Variants in ASAP1 observed in about 807,000 individuals in gnomAD.
The protein encoded by ASAP1 is ArfGAP with SH3 domain, ankyrin repeat and PH domain 1.
A neutral mutation model predicts 145.2 loss-of-function variants in ASAP1; 43 were observed. The observed-to-expected ratio is 0.30, with a 90% CI of 0.23 to 0.38. The LOEUF (loss-of-function observed/expected upper bound fraction) is 0.38, where lower values mean the gene tolerates loss of function less well. Among genes scored for constraint, ASAP1 ranks in the 10% least tolerant of loss-of-function variants. The pLI, the probability that ASAP1 is intolerant of heterozygous loss-of-function variation, is 1.00. For missense variants in ASAP1, 1,018 were observed against 1,355.3 expected (o/e 0.75, Z 3.91); for synonymous variants, 546 against 515.5 (o/e 1.06, Z -0.80).
intron 9 of ASAP1, among the ~76,000 whole-genome samples, chr8:130,170,995 T>C (rs1449267598): frequency 6.6e-6 from 1 of 152,204 alleles, no homozygotes; most frequent in Non-Finnish European, 1.5e-5. Flanking sequence ...AGATTAAAGG[T>C]GTGAGCCACC....
intron 7 of ASAP1, 42 bp from the exon 8 acceptor site, chr8:130,180,922 C>A (rs760372165): frequency 4.0e-5 from 52 of 1,310,738 alleles, no homozygotes; most frequent in Admixed American, 5.8e-5. Flanking sequence ...AAAAAAAATA[C>A]ACTCATGTAC....
chr8:130,232,372 G>A (rs1817955955), intron 4 of ASAP1, among the ~76,000 whole-genome samples: 1 of 152,162 alleles, frequency 6.6e-6, no homozygotes. Flanking sequence ...AATGGGAAAG[G>A]GAGAGGGACC....
chr8:130,335,049 G>A (rs953518353), intron 3 of ASAP1, among the ~76,000 whole-genome samples: 3 of 152,098 alleles, frequency 2.0e-5, no homozygotes, highest in African/African-American at 7.2e-5. Context: ...GGTATGAGAC[G>A]GATTAACGAT....
chr8:130,325,993 A>G (rs996865839), intron 3 of ASAP1, among the ~76,000 whole-genome samples: 3 of 152,180 alleles, frequency 2.0e-5, no homozygotes, highest in Non-Finnish European at 4.4e-5. Flanking sequence ...CCAATTCACA[A>G]ATGAGAAAAT....
intron 13 of ASAP1, among the ~76,000 whole-genome samples, chr8:130,150,571 A>C (rs2097643767): frequency 6.6e-6 from 1 of 152,180 alleles, no homozygotes; most frequent in Non-Finnish European, 1.5e-5. Context: ...GAAGGCAAAG[A>C]GAGTTAGGGT....
chr8:130,402,249 T>G (rs1421479556), intron 1 of ASAP1, among the ~76,000 whole-genome samples: 1 of 152,138 alleles, frequency 6.6e-6, no homozygotes, highest in South Asian at 2.1e-4. Flanking sequence ...AATTTACAAG[T>G]CATTAACTTC....
chr8:130,067,781 T>G (rs964724098), intron 27 of ASAP1, among the ~76,000 whole-genome samples: 3 of 152,194 alleles, frequency 2.0e-5, no homozygotes, highest in African/African-American at 7.2e-5. Context: ...GGAACGGTGA[T>G]AAAAGTGTAC....
At chr8:130,226,019 A>C (rs1363111496) in intron 4 of ASAP1, among the ~76,000 whole-genome samples, 1 of 149,536 alleles carries the variant, frequency 6.7e-6, no homozygotes, top group Non-Finnish European at 1.5e-5. Flanking sequence ...AGCTGGGACT[A>C]TAGGAATGCA....
At chr8:130,056,366 G>A (rs1269549085) in intron 29 of ASAP1, among the ~76,000 whole-genome samples, 4 of 152,222 alleles carry the variant, frequency 2.6e-5, no homozygotes, top group Non-Finnish European at 5.9e-5. Context: ...GGCCTCCCCA[G>A]GCTGATCCCT....
intron 27 of ASAP1, among the ~76,000 whole-genome samples, chr8:130,061,345 G>A (rs752747266): frequency 3.9e-5 from 6 of 152,196 alleles, no homozygotes; most frequent in Middle Eastern, 3.2e-3. Flanking sequence ...ACAGATTGCA[G>A]AGAATCGGAA....
chr8:130,061,017 G>C lies in ASAP1; in HGVS notation c.2754C>G (p.Pro918=). 6.4e-7 allele frequency: 1 copy of C among 1,550,630 alleles called. No homozygotes were observed. Among genetic ancestry groups the C allele is most frequent in the Non-Finnish European group, 8.7e-7 (1 of 1,152,630 alleles). ...HLSLDKATIP[P]EIFQKSSQLA... The stretch of plus-strand genomic sequence containing the variant: ...ACTGTGATGATTTCTGAAAGATTTC[G>C]GGCGGGATGGTGGCTTTGTCTAGGG... Residue 918 remains proline, a synonymous_variant, in exon 28 of 30, where the codon CCC becomes CCG. Coordinates refer to ENST00000518721, the MANE Select transcript of ASAP1 (RefSeq NM_018482.4).
chr8:130,270,268 A>G (rs1187548018), intron 3 of ASAP1, among the ~76,000 whole-genome samples: 1 of 152,246 alleles, frequency 6.6e-6, no homozygotes, highest in Non-Finnish European at 1.5e-5. Flanking sequence ...TCCCCCTCCA[A>G]TAAGATGAAA....
chr8:130,415,663 C>T (rs142603947), intron 1 of ASAP1, among the ~76,000 whole-genome samples: 1 of 151,862 alleles, frequency 6.6e-6, no homozygotes, highest in Admixed American at 6.6e-5. Flanking sequence ...TGGCAGGTGC[C>T]TGTAATCCCA....
chr8:130,311,894 CA>C (rs61648269), intron 3 of ASAP1, among the ~76,000 whole-genome samples: 7,922 of 149,278 alleles, frequency 0.053, 212 homozygotes, highest in Middle Eastern at 0.069. Flanking sequence ...AAAAACAACT[CA>C]AAAAAAAATA....
chr8:130,361,614 A>G (rs1826711946), intron 2 of ASAP1: 9 of 1,280,320 alleles, frequency 7.0e-6, no homozygotes, highest in Non-Finnish European at 8.8e-6. Context: ...TGGTAAGTAT[A>G]TACCTCCTCA....
intron 4 of ASAP1, among the ~76,000 whole-genome samples, chr8:130,225,753 G>T (rs1586632632): frequency 1.3e-5 from 2 of 152,276 alleles, no homozygotes; most frequent in Non-Finnish European, 2.9e-5. Flanking sequence ...TACCATACAG[G>T]CACCATAAAG....
At chr8:130,254,238 T>C (rs1223449155) in intron 3 of ASAP1, among the ~76,000 whole-genome samples, 1 of 152,226 alleles carries the variant, frequency 6.6e-6, no homozygotes, top group African/African-American at 2.4e-5. Flanking sequence ...CCAGTGGGTT[T>C]TTCTTTTTAA....
chr8:130,091,479 G>A (rs975815473), intron 25 of ASAP1, among the ~76,000 whole-genome samples: 19 of 152,216 alleles, frequency 1.2e-4, no homozygotes, highest in African/African-American at 4.6e-4. Flanking sequence ...AGAGTGGCAG[G>A]AGAGGGTCTA....
rs2097396092 is a variant in ASAP1 at position 130,052,908 on chromosome 8, G to A, written c.*1823C>T. 1.3e-5 allele frequency: 2 copies of A among 152,206 alleles called. No homozygotes were observed. Among genetic ancestry groups the A allele is most frequent in the African/African-American group, 4.8e-5 (2 of 41,532 alleles). The allele number at this position is 152,206 out of a possible 1,614,324, so 9.4% of individuals were successfully genotyped here. On this transcript the variant is annotated 3_prime_UTR_variant, in exon 30 of 30. Coordinates refer to ENST00000518721, the MANE Select transcript of ASAP1 (RefSeq NM_018482.4). ...CGGACACTGGTGTGGCTTCAGTACCGAGGCTGCTAAAGCTGCCAGTCACAA... is the reference window on the plus strand; with the variant it reads ...CGGACACTGGTGTGGCTTCAGTACCAAGGCTGCTAAAGCTGCCAGTCACAA...
Sources: gnomAD v4.1 joint callset for allele counts (sites outside exome capture counted in the v4.1 genomes callset) on GRCh38, gnomAD v4.1.1 for gene constraint, MANE v1.5 for transcripts, NCBI Gene and HGNC (gene_info 2026-07-23, HGNC 2026-07-21) for gene names.